The following LPP variants were observed in gnomAD, a reference collection of about 807,000 sequenced individuals.
The protein encoded by LPP is LIM domain containing preferred translocation partner in lipoma, also known as lipoma-preferred partner.
In LPP, 38 loss-of-function variants were observed where a neutral mutation model predicts 60.4. That is an observed-to-expected ratio of 0.63 (90% CI 0.49 to 0.83). LPP has a LOEUF of 0.83. Ranked by LOEUF, LPP falls within the 40% of genes least tolerant of loss-of-function variation. LPP has a pLI of 0.00. For synonymous variants in LPP, 328 were observed against 290.8 expected, an observed-to-expected ratio of 1.13 and a Z score of -1.30; for missense variants, 902 against 783.6, an observed-to-expected ratio of 1.15 and a Z score of -1.80.
chr3:188,640,710 C>G (rs939673193), intron 7 of LPP, among the ~76,000 whole-genome samples: 1 of 151,588 alleles, frequency 6.6e-6, no homozygotes, highest in African/African-American at 2.4e-5. Flanking sequence ...CCATATAGCT[C>G]TTTTGGAATT....
intron 7 of LPP, among the ~76,000 whole-genome samples, chr3:188,639,028 A>T (rs950963303): frequency 2.7e-5 from 4 of 150,630 alleles, no homozygotes; most frequent in African/African-American, 9.7e-5. Flanking sequence ...TAAAGTTCAT[A>T]TGGAACCAAA....
intron 9 of LPP, among the ~76,000 whole-genome samples, chr3:188,862,393 T>G (rs1340348461): frequency 6.6e-6 from 1 of 152,152 alleles, no homozygotes; most frequent in African/African-American, 2.4e-5. Flanking sequence ...AGTTACTTAC[T>G]TTTCTTGGAA....
intron 3 of LPP, among the ~76,000 whole-genome samples, chr3:188,385,983 C>G (rs1778161199): frequency 6.6e-6 from 1 of 152,106 alleles, no homozygotes; most frequent in South Asian, 2.1e-4. Context: ...TACTTGGCTT[C>G]TCCCTCACCC....
chr3:188,713,591 A>G (rs1712539357), intron 8 of LPP, among the ~76,000 whole-genome samples: 1 of 152,154 alleles, frequency 6.6e-6, no homozygotes, highest in Non-Finnish European at 1.5e-5. Context: ...TGAAATATTG[A>G]TAGAGTGACA....
chr3:188,393,852 A>G (rs1452249746), intron 3 of LPP, among the ~76,000 whole-genome samples: 2 of 152,148 alleles, frequency 1.3e-5, no homozygotes, highest in Non-Finnish European at 2.9e-5. Context: ...CACTCACAGT[A>G]TTGTAATATT....
At chr3:188,228,835 T>C (rs753853516) in intron 2 of LPP, among the ~76,000 whole-genome samples, 6 of 152,220 alleles carry the variant, frequency 3.9e-5, no homozygotes, top group Non-Finnish European at 5.9e-5. Context: ...CTACCTCTCA[T>C]GTTTGCTTAG....
intron 7 of LPP, among the ~76,000 whole-genome samples, chr3:188,616,605 G>A (rs971483051): frequency 1.3e-5 from 2 of 150,746 alleles, no homozygotes; most frequent in Non-Finnish European, 3.0e-5. Flanking sequence ...TTTCATTTCC[G>A]TATACGTTTT....
At chr3:188,364,687 A>T (rs1770595666) in intron 3 of LPP, among the ~76,000 whole-genome samples, 1 of 152,214 alleles carries the variant, frequency 6.6e-6, no homozygotes, top group Non-Finnish European at 1.5e-5. Context: ...ACCTGGCAGA[A>T]AGGGGAAAAG....
At chr3:188,216,666 A>G (rs1047015353) in intron 1 of LPP, among the ~76,000 whole-genome samples, 5 of 152,204 alleles carry the variant, frequency 3.3e-5, no homozygotes, top group African/African-American at 4.8e-5. Flanking sequence ...ACTGTTGATG[A>G]CAGTGAACAT....
intron 1 of LPP, among the ~76,000 whole-genome samples, chr3:188,173,737 G>A (rs1226138798): frequency 6.6e-6 from 1 of 152,152 alleles, no homozygotes; most frequent in African/African-American, 2.4e-5. Flanking sequence ...ACTGCATTGA[G>A]TCTCCTTGTT....
intron 6 of LPP, among the ~76,000 whole-genome samples, chr3:188,573,723 C>T (rs1397650826): frequency 2.1e-5 from 3 of 139,650 alleles, no homozygotes; most frequent in Non-Finnish European, 4.7e-5. Context: ...GAGCTGTGAA[C>T]ACAAACTGTG....
chr3:188,465,343 G>A (rs1800120408), intron 4 of LPP, among the ~76,000 whole-genome samples: 1 of 152,108 alleles, frequency 6.6e-6, no homozygotes, highest in Non-Finnish European at 1.5e-5. Context: ...TGAGTAAGTC[G>A]GAACTATTCG....
intron 8 of LPP, among the ~76,000 whole-genome samples, chr3:188,745,866 C>G (rs1477699453): frequency 6.6e-6 from 1 of 152,064 alleles, no homozygotes; most frequent in Non-Finnish European, 1.5e-5. Flanking sequence ...ATTCCACGCT[C>G]TAATTTCCAA....
rs1413288557 is a variant in LPP at position 188,167,589 on chromosome 3, TG to T, written c.-190+13338del. Among the ~76,000 whole-genome samples the T allele has an allele frequency of 1.7e-3, 175 of 101,446 alleles. 1 individual carries two copies. Among genetic ancestry groups the T allele is most frequent in the African/African-American group, 5.9e-3 (165 of 27,898 alleles). 66.6% of individuals were successfully genotyped at this position (101,446 alleles called of 152,430 possible). A position where few individuals can be genotyped will look rare whatever the true frequency, so the allele number is the denominator to read the frequency against. ...AAAAATGTTATCTTTGTGTGTGTGT[TG>T]TTTTTTTTTTTTTTTAGGATTCTCT... On this transcript the variant is annotated intron_variant, in intron 1 of 11. Coordinates refer to ENST00000617246, the MANE Select transcript of LPP (RefSeq NM_001375462.1).
intron 6 of LPP, among the ~76,000 whole-genome samples, chr3:188,607,368 A>AAGATATAGATAT (rs1553941064): frequency 8.4e-5 from 7 of 83,674 alleles, no homozygotes; most frequent in African/African-American, 3.2e-4. Flanking sequence ...TTGAAAATAG[A>AAGATATAGATAT]AGATATATAT....
At chr3:188,504,625 C>G (rs1156926558) in intron 5 of LPP, among the ~76,000 whole-genome samples, 1 of 152,058 alleles carries the variant, frequency 6.6e-6, no homozygotes, top group Non-Finnish European at 1.5e-5. Flanking sequence ...TGTTGCCAGT[C>G]TCTGTGCTAA....
intron 4 of LPP, among the ~76,000 whole-genome samples, chr3:188,444,829 T>C (rs1292084492): frequency 6.6e-6 from 1 of 152,074 alleles, no homozygotes; most frequent in Non-Finnish European, 1.5e-5. Context: ...GCAAAGGATA[T>C]GAACAGGCAC....
At chr3:188,416,775 G>A (rs1450404793) in intron 4 of LPP, among the ~76,000 whole-genome samples, 2 of 152,114 alleles carry the variant, frequency 1.3e-5, no homozygotes, top group African/African-American at 2.4e-5. Context: ...TGGATTCTTC[G>A]AGAATGCCCT....
intron 9 of LPP, among the ~76,000 whole-genome samples, chr3:188,865,817 T>G (rs1269332575): frequency 1.3e-5 from 2 of 152,170 alleles, no homozygotes; most frequent in Non-Finnish European, 2.9e-5. Context: ...TATGGGACTT[T>G]AGAGAAAAGT....
Sources: gnomAD v4.1 joint callset for allele counts (sites outside exome capture counted in the v4.1 genomes callset) on GRCh38, gnomAD v4.1.1 for gene constraint, MANE v1.5 for transcripts, NCBI Gene and HGNC (gene_info 2026-07-23, HGNC 2026-07-21) for gene names.